The following IFNG-AS1 variants were observed in gnomAD, a reference collection of about 807,000 sequenced individuals.
IFNG-AS1 encodes IFNG antisense RNA 1 (non-protein coding).
At chr12:67,990,843 C>T (rs553832947) in intron 1 of IFNG-AS1, among the ~76,000 whole-genome samples, 9 of 152,196 alleles carry the variant, frequency 5.9e-5, no homozygotes, top group Admixed American at 2.0e-4. Flanking sequence ...CCGCCCGCCT[C>T]GGCCTCTCAA....
chr12:67,992,145 T>C (rs1050291524), intron 1 of IFNG-AS1, among the ~76,000 whole-genome samples: 7 of 152,230 alleles, frequency 4.6e-5, no homozygotes, highest in African/African-American at 1.4e-4. Flanking sequence ...TTATGCTCCA[T>C]AGACACCTAC....
At chr12:68,009,230 G>C (rs1409429807) in intron 3 of IFNG-AS1, among the ~76,000 whole-genome samples, 1 of 152,160 alleles carries the variant, frequency 6.6e-6, no homozygotes, top group South Asian at 2.1e-4. Flanking sequence ...TACTTAAACT[G>C]TATTGTCTAG....
intron 2 of IFNG-AS1, among the ~76,000 whole-genome samples, chr12:68,005,356 T>C (rs1327172764): frequency 6.6e-6 from 1 of 152,170 alleles, no homozygotes; most frequent in Non-Finnish European, 1.5e-5. Flanking sequence ...TTAGCCACGA[T>C]ACAGCATGTA....
chr12:68,019,730 T>A (rs1012744559), intron 3 of IFNG-AS1: 1 of 152,186 alleles, frequency 6.6e-6, no homozygotes, highest in African/African-American at 2.4e-5. Context: ...GAACAGCAAA[T>A]GTGTGGGTGG....
chr12:68,011,889 C>T (rs934268707), intron 3 of IFNG-AS1, among the ~76,000 whole-genome samples: 3 of 152,190 alleles, frequency 2.0e-5, no homozygotes, highest in Middle Eastern at 3.2e-3. Flanking sequence ...GAAGCTTCTC[C>T]AGCAGATTCC....
chr12:68,015,585 G>A (rs780348734), intron 3 of IFNG-AS1, among the ~76,000 whole-genome samples: 6 of 151,886 alleles, frequency 4.0e-5, no homozygotes, highest in Admixed American at 2.6e-4. Context: ...TTCCTTAACC[G>A]TTCTTATGAT....
intron 2 of IFNG-AS1, among the ~76,000 whole-genome samples, chr12:68,004,225 C>T (rs758065822): frequency 6.6e-6 from 1 of 152,180 alleles, no homozygotes; most frequent in Non-Finnish European, 1.5e-5. Flanking sequence ...GGTACCAATG[C>T]ATGGACAGCA....
At chr12:68,019,408 C>T (rs904144728) in intron 3 of IFNG-AS1, among the ~76,000 whole-genome samples, 1 of 152,108 alleles carries the variant, frequency 6.6e-6, no homozygotes, top group Non-Finnish European at 1.5e-5. Context: ...TACTAAAGAG[C>T]CGAGCCAGAA....
intron 2 of IFNG-AS1, among the ~76,000 whole-genome samples, chr12:67,999,269 C>T (rs1359318921): frequency 6.6e-6 from 1 of 152,084 alleles, no homozygotes; most frequent in Admixed American, 6.6e-5. Flanking sequence ...TTTTATCTAG[C>T]TTTGTCTGAT....
At chr12:67,997,018 T>C (rs538364560) in intron 2 of IFNG-AS1, among the ~76,000 whole-genome samples, 11 of 152,210 alleles carry the variant, frequency 7.2e-5, no homozygotes, top group African/African-American at 2.4e-4. Flanking sequence ...ATAGATAACT[T>C]ACTATTTTAT....
chr12:67,992,047 T>C (rs894134794), intron 1 of IFNG-AS1, among the ~76,000 whole-genome samples: 1 of 152,140 alleles, frequency 6.6e-6, no homozygotes, highest in African/African-American at 2.4e-5. Context: ...TCTCTTCCTC[T>C]CTCTCTCTTT....
intron 3 of IFNG-AS1, among the ~76,000 whole-genome samples, chr12:68,018,195 A>C (rs1880200172): frequency 6.6e-6 from 1 of 152,068 alleles, no homozygotes; most frequent in Non-Finnish European, 1.5e-5. Flanking sequence ...CACATGGGTT[A>C]GAGTTATTTA....
intron 3 of IFNG-AS1, among the ~76,000 whole-genome samples, chr12:68,012,800 A>C (rs961780810): frequency 1.3e-5 from 2 of 152,258 alleles, no homozygotes; most frequent in African/African-American, 4.8e-5. Context: ...CTAGCGATGC[A>C]TAGAGTTCAG....
At chr12:68,010,270 C>T (rs1259863995) in intron 3 of IFNG-AS1, among the ~76,000 whole-genome samples, 1 of 152,144 alleles carries the variant, frequency 6.6e-6, no homozygotes, top group Non-Finnish European at 1.5e-5. Context: ...GTAGAGATGA[C>T]CTTTGTTCAG....
chr12:68,009,689 T>C (rs1311397467), intron 3 of IFNG-AS1, among the ~76,000 whole-genome samples: 1 of 152,194 alleles, frequency 6.6e-6, no homozygotes, highest in Non-Finnish European at 1.5e-5. Flanking sequence ...AGTTGGTTTC[T>C]TGCTCTCATA....
At chr12:68,020,274 G>T (rs1469632743) in intron 4 of IFNG-AS1, 7 of 152,174 alleles carry the variant, frequency 4.6e-5, no homozygotes, top group African/African-American at 1.2e-4. Context: ...GCCGTAGGCA[G>T]CCATCAAGAG....
intron 2 of IFNG-AS1, among the ~76,000 whole-genome samples, chr12:67,997,469 T>C (rs1348013333): frequency 1.3e-5 from 2 of 151,856 alleles, no homozygotes; most frequent in African/African-American, 2.4e-5. Context: ...GATCCATATC[T>C]CACACCATAT....
chr12:68,003,764 G>A (rs777606919), intron 2 of IFNG-AS1, among the ~76,000 whole-genome samples: 8 of 151,966 alleles, frequency 5.3e-5, no homozygotes, highest in Non-Finnish European at 1.2e-4. Context: ...AAAATTAGCC[G>A]GGCATGGTAG....
At chr12:68,012,613 G>A (rs918034836) in intron 3 of IFNG-AS1, among the ~76,000 whole-genome samples, 4 of 152,160 alleles carry the variant, frequency 2.6e-5, no homozygotes, top group African/African-American at 9.7e-5. Flanking sequence ...TGGTTTGAGG[G>A]GGTGAAGAAT....
Sources: allele counts gnomAD v4.1 joint callset (sites outside exome capture counted in the v4.1 genomes callset), GRCh38; gene constraint gnomAD v4.1.1; transcripts MANE v1.5; gene names NCBI Gene and HGNC (gene_info 2026-07-23, HGNC 2026-07-21).